Variants in POU2F1 observed in about 807,000 individuals in gnomAD.
POU2F1 encodes POU domain, class 2, transcription factor 1.
In POU2F1, 16 loss-of-function variants were observed where a neutral mutation model predicts 84.9. The observed-to-expected ratio is 0.19, with a 90% CI of 0.13 to 0.29. POU2F1 has a LOEUF of 0.29. POU2F1 is among the 10% of genes least tolerant of loss of function. The pLI is 1.00. For synonymous variants in POU2F1, 368 were observed against 368.3 expected, an observed-to-expected ratio of 1.00 and a Z score of 0.01; for missense variants, 738 against 942.6, an observed-to-expected ratio of 0.78 and a Z score of 2.84.
At chr1:167,314,514 C>T (rs975798318) in intron 1 of POU2F1, among the ~76,000 whole-genome samples, 27 of 152,072 alleles carry the variant, frequency 1.8e-4, no homozygotes, top group Admixed American at 5.9e-4. Flanking sequence ...TGGTGGTTGT[C>T]GCCTGTAATC....
intron 2 of POU2F1, among the ~76,000 whole-genome samples, chr1:167,348,459 T>A (rs1308961392): frequency 2.6e-5 from 4 of 152,184 alleles, no homozygotes; most frequent in African/African-American, 9.7e-5. Context: ...CCACAATCAA[T>A]GTACAAGGAT....
chr1:167,303,766 C>G (rs1168128396), intron 1 of POU2F1, among the ~76,000 whole-genome samples: 1 of 151,944 alleles, frequency 6.6e-6, no homozygotes, highest in Non-Finnish European at 1.5e-5. Flanking sequence ...TGCCTGCGAC[C>G]CAGCCAGCAA....
At position 167,426,209 on chromosome 1, in the gene POU2F1, T is replaced by C. The variant is rs113925278; in HGVS notation, c.*10399T>C. The C allele has an allele frequency of 2.1e-5, 3 of 139,558 alleles. No individual in the cohort carries two copies. Among genetic ancestry groups the C allele is most frequent in the Non-Finnish European group, 4.7e-5 (3 of 64,508 alleles). The allele number at this position is 139,558 out of a possible 1,614,324, so 8.6% of individuals were successfully genotyped here. A position where few individuals can be genotyped will look rare whatever the true frequency, so the allele number is the denominator to read the frequency against. On this transcript the variant is annotated 3_prime_UTR_variant, in exon 16 of 16. Coordinates refer to ENST00000367866, the MANE Select transcript of POU2F1 (RefSeq NM_002697.4). ...AACCTCAGTAATTCCAAAGCTTAGA[T>C]GTATATTTTGGTATATTTCTGGGAT...
At chr1:167,306,637 G>GTC (rs370238891) in intron 1 of POU2F1, among the ~76,000 whole-genome samples, 1 of 152,084 alleles carries the variant, frequency 6.6e-6, no homozygotes, top group Non-Finnish European at 1.5e-5. Context: ...GAAATTTATT[G>GTC]TCTCTCAGTT....
chr1:167,229,389 A>C (rs150144622), intron 1 of POU2F1, among the ~76,000 whole-genome samples: 9 of 152,078 alleles, frequency 5.9e-5, no homozygotes, highest in African/African-American at 2.2e-4. Context: ...GGTGGGTCTT[A>C]TTGGGTTGTA....
intron 1 of POU2F1, among the ~76,000 whole-genome samples, chr1:167,303,984 A>G (rs1654886660): frequency 6.6e-6 from 1 of 152,210 alleles, no homozygotes; most frequent in Admixed American, 6.5e-5. Context: ...TGTAGTAATG[A>G]GAATATTACA....
At chr1:167,413,201 GAT>G (rs1650087873) in intron 15 of POU2F1, 87 bp downstream of exon 15, 1 of 1,206,154 alleles carries the variant, frequency 8.3e-7, no homozygotes, top group Non-Finnish European at 1.2e-6. Flanking sequence ...TTGAGACAGA[GAT>G]AGAGGAAGTC....
At chr1:167,256,509 T>C (rs1308127622) in intron 1 of POU2F1, among the ~76,000 whole-genome samples, 1 of 152,002 alleles carries the variant, frequency 6.6e-6, no homozygotes, top group Non-Finnish European at 1.5e-5. Flanking sequence ...AGATGAAGAA[T>C]TGTTGAGGAT....
At chr1:167,232,140 G>A (rs1349302711) in intron 1 of POU2F1, among the ~76,000 whole-genome samples, 1 of 152,166 alleles carries the variant, frequency 6.6e-6, no homozygotes, top group African/African-American at 2.4e-5. Context: ...TGCATCCCGT[G>A]AATTCTGTAT....
intron 1 of POU2F1, among the ~76,000 whole-genome samples, chr1:167,221,380 C>T (rs1240728013): frequency 2.7e-5 from 4 of 150,076 alleles, no homozygotes; most frequent in South Asian, 2.1e-4. Flanking sequence ...TTCATAGCTG[C>T]TGGGCCGGCG....
chr1:167,415,337 G>T (rs1650228408), intron 15 of POU2F1, among the ~76,000 whole-genome samples, 163 bp from the exon 16 acceptor site: 1 of 152,088 alleles, frequency 6.6e-6, no homozygotes, highest in Admixed American at 6.5e-5. Context: ...ACTACAATTG[G>T]TATCAATATA....
intron 2 of POU2F1, among the ~76,000 whole-genome samples, chr1:167,363,422 A>G (rs1028264510): frequency 3.3e-5 from 5 of 152,200 alleles, no homozygotes; most frequent in African/African-American, 1.2e-4. Flanking sequence ...AAAATAATAT[A>G]ATGCTGTACT....
intron 1 of POU2F1, among the ~76,000 whole-genome samples, chr1:167,237,966 C>T (rs577777606): frequency 1.3e-5 from 2 of 151,034 alleles, no homozygotes; most frequent in African/African-American, 4.9e-5. Context: ...ATTCTTAGTA[C>T]AGATGGGGTT....
chr1:167,293,119 C>A (rs2102539790), intron 1 of POU2F1, among the ~76,000 whole-genome samples: 1 of 152,284 alleles, frequency 6.6e-6, no homozygotes, highest in East Asian at 1.9e-4. Flanking sequence ...CCCACTTTTA[C>A]CCCTTCTATT....
chr1:167,222,244 C>G (rs891542124), intron 1 of POU2F1, among the ~76,000 whole-genome samples: 7 of 152,178 alleles, frequency 4.6e-5, no homozygotes, highest in African/African-American at 1.4e-4. Context: ...GGATCCCCCT[C>G]CCTTCTTCTG....
chr1:167,415,008 A>G lies in POU2F1; in HGVS notation c.1991-492A>G, dbSNP rs868724031. On this transcript the variant is annotated intron_variant, in intron 15 of 15. Transcript: ENST00000367866. ...CTGTTTCCACCTCAGATCGTGCTCT[A>G]TGAGAATCTAATGCCGCCACTGATC... Among the ~76,000 whole-genome samples, 118 of 152,276 alleles carry G rather than the reference A, an allele frequency of 7.7e-4. 1 individual carries two copies. Among genetic ancestry groups the G allele is most frequent in the African/African-American group, 2.8e-3 (117 of 41,568 alleles).
At chr1:167,291,553 T>C (rs1261033313) in intron 1 of POU2F1, among the ~76,000 whole-genome samples, 2 of 152,226 alleles carry the variant, frequency 1.3e-5, no homozygotes, top group African/African-American at 4.8e-5. Context: ...ACAAGTGATA[T>C]ATTTGTAAGA....
At chr1:167,221,014 G>GCC (rs574529629) in intron 1 of POU2F1, 56 bp downstream of exon 1, 456 of 1,318,558 alleles carry the variant, frequency 3.5e-4, no homozygotes, top group Non-Finnish European at 4.0e-4. Flanking sequence ...GGCTCCCGCT[G>GCC]CCCCCCCCCG....
chr1:167,385,212 T>C (rs958684342), intron 8 of POU2F1, among the ~76,000 whole-genome samples: 3 of 152,120 alleles, frequency 2.0e-5, no homozygotes, highest in East Asian at 1.9e-4. Context: ...AGAAGTAATA[T>C]GTTCATGAAT....
Sources: allele counts gnomAD v4.1 joint callset (sites outside exome capture counted in the v4.1 genomes callset), GRCh38; gene constraint gnomAD v4.1.1; transcripts MANE v1.5; gene names NCBI Gene and HGNC (gene_info 2026-07-23, HGNC 2026-07-21).